The following PTPRO variants were observed in gnomAD, a reference collection of about 807,000 sequenced individuals.
PTPRO encodes receptor-type tyrosine-protein phosphatase O.
Under a neutral mutation model 145.2 loss-of-function variants are expected in PTPRO, and 62 were observed. That is an observed-to-expected ratio of 0.43 (90% CI 0.35 to 0.53). The LOEUF (loss-of-function observed/expected upper bound fraction) is 0.53. Among genes scored for constraint, PTPRO ranks in the 20% least tolerant of loss-of-function variants. PTPRO has a pLI of 0.01. For synonymous variants in PTPRO, 565 were observed against 514.7 expected, an observed-to-expected ratio of 1.10 and a Z score of -1.32; for missense variants, 1,345 against 1,482.7, an observed-to-expected ratio of 0.91 and a Z score of 1.53.
At chr12:15,368,252 C>T (rs970241226) in intron 1 of PTPRO, among the ~76,000 whole-genome samples, 1 of 152,140 alleles carries the variant, frequency 6.6e-6, no homozygotes, top group Non-Finnish European at 1.5e-5. Flanking sequence ...GCATTCCCAT[C>T]CTCACCACCA....
intron 12 of PTPRO, among the ~76,000 whole-genome samples, chr12:15,542,462 T>C (rs1943200376): frequency 6.6e-6 from 1 of 152,242 alleles, no homozygotes; most frequent in Non-Finnish European, 1.5e-5. Flanking sequence ...CTAAACCATC[T>C]TAGGCTGTGG....
chr12:15,335,856 T>C (rs1045564057), intron 1 of PTPRO, among the ~76,000 whole-genome samples: 1 of 152,194 alleles, frequency 6.6e-6, no homozygotes, highest in Non-Finnish European at 1.5e-5. Flanking sequence ...TTTCTACTGC[T>C]AGATTGATGT....
chr12:15,439,321 A>C (rs1417033164), intron 1 of PTPRO, among the ~76,000 whole-genome samples: 2 of 152,200 alleles, frequency 1.3e-5, no homozygotes, highest in Non-Finnish European at 2.9e-5. Flanking sequence ...GCAAAAACAC[A>C]CTTAAGTACA....
chr12:15,463,035 C>T (rs1198283999), intron 1 of PTPRO, among the ~76,000 whole-genome samples: 2 of 151,922 alleles, frequency 1.3e-5, no homozygotes, highest in South Asian at 2.1e-4. Context: ...AATATATTTG[C>T]AAAATAATGC....
intron 1 of PTPRO, among the ~76,000 whole-genome samples, chr12:15,455,917 G>A (rs1941165374): frequency 6.6e-6 from 1 of 152,146 alleles, no homozygotes; most frequent in Non-Finnish European, 1.5e-5. Context: ...ATGACAGGTT[G>A]ATGGGTGCAG....
chr12:15,500,738 G>A (rs893789250), intron 4 of PTPRO, among the ~76,000 whole-genome samples: 28 of 152,040 alleles, frequency 1.8e-4, no homozygotes, highest in African/African-American at 6.8e-4. Context: ...CCTAGCCAAC[G>A]TGGTGAAACC....
At chr12:15,520,405 A>AC (rs1942691360) in intron 10 of PTPRO, 93 bp downstream of exon 10, 1 of 865,406 alleles carries the variant, frequency 1.2e-6, no homozygotes. Context: ...CCAGTCATTC[A>AC]CCCAGCACTG....
chr12:15,419,051 T>A (rs1265186563), intron 1 of PTPRO, among the ~76,000 whole-genome samples: 3 of 151,610 alleles, frequency 2.0e-5, no homozygotes, highest in Non-Finnish European at 4.4e-5. Flanking sequence ...GCTAGATCAG[T>A]CTTTCAAGTT....
intron 1 of PTPRO, among the ~76,000 whole-genome samples, chr12:15,438,823 A>C (rs748287569): frequency 1.3e-5 from 2 of 152,334 alleles, no homozygotes; most frequent in Non-Finnish European, 2.9e-5. Flanking sequence ...TCTAGCTAGG[A>C]AGATAGATGT....
At chr12:15,542,328 C>CA (rs1178109716) in intron 12 of PTPRO, among the ~76,000 whole-genome samples, 1 of 152,058 alleles carries the variant, frequency 6.6e-6, no homozygotes, top group Non-Finnish European at 1.5e-5. Context: ...ACTGATGAAT[C>CA]AAAAAAATTT....
intron 18 of PTPRO, among the ~76,000 whole-genome samples, chr12:15,567,282 T>C (rs73313545): frequency 0.045 from 6,841 of 152,084 alleles, 490 homozygotes; most frequent in African/African-American, 0.15. Context: ...TTCTCTACCA[T>C]TTCTCTTTCC....
At chr12:15,382,302 G>A (rs144432434) in intron 1 of PTPRO, among the ~76,000 whole-genome samples, 40 of 152,126 alleles carry the variant, frequency 2.6e-4, no homozygotes, top group African/African-American at 8.9e-4. Context: ...ATCCATTTGG[G>A]GAAATAAACA....
chr12:15,525,309 C>G (rs868746589), intron 11 of PTPRO, among the ~76,000 whole-genome samples: 59 of 152,224 alleles, frequency 3.9e-4, no homozygotes, highest in Middle Eastern at 6.8e-3. Context: ...GATTTGGGGA[C>G]CTTGGGACTA....
intron 1 of PTPRO, among the ~76,000 whole-genome samples, chr12:15,440,787 C>T (rs561576230): frequency 3.7e-4 from 57 of 152,168 alleles, no homozygotes; most frequent in African/African-American, 1.3e-3. Context: ...CAAAGAAGGC[C>T]ATTACGTAAT....
chr12:15,466,898 A>G (rs1941429505), intron 1 of PTPRO, among the ~76,000 whole-genome samples: 1 of 152,182 alleles, frequency 6.6e-6, no homozygotes, highest in African/African-American at 2.4e-5. Context: ...CGTGGCACAA[A>G]CCTGAAATGC....
chr12:15,432,613 C>T (rs1404993812), intron 1 of PTPRO, among the ~76,000 whole-genome samples: 1 of 152,174 alleles, frequency 6.6e-6, no homozygotes, highest in African/African-American at 2.4e-5. Flanking sequence ...AATTTACACC[C>T]CCACCATCAA....
chr12:15,412,067 T>A (rs1197790666), intron 1 of PTPRO, among the ~76,000 whole-genome samples: 1 of 152,232 alleles, frequency 6.6e-6, no homozygotes, highest in East Asian at 1.9e-4. Flanking sequence ...TCAGACCCTG[T>A]GTCAGCGAAA....
intron 12 of PTPRO, among the ~76,000 whole-genome samples, chr12:15,537,488 A>G (rs1943088692): frequency 6.6e-6 from 1 of 152,180 alleles, no homozygotes; most frequent in South Asian, 2.1e-4. Context: ...GAGATTGTCC[A>G]GGTCAAACCT....
chr12:15,485,947 C>A (rs769530368), intron 2 of PTPRO, among the ~76,000 whole-genome samples: 4 of 152,062 alleles, frequency 2.6e-5, no homozygotes, highest in East Asian at 1.9e-4. Flanking sequence ...TATATGATTT[C>A]TTTTACTTGA....
Sources: allele counts gnomAD v4.1 joint callset (sites outside exome capture counted in the v4.1 genomes callset), GRCh38; gene constraint gnomAD v4.1.1; transcripts MANE v1.5; gene names NCBI Gene and HGNC (gene_info 2026-07-23, HGNC 2026-07-21).